Variants in KDM4C observed in about 807,000 individuals in gnomAD.
The protein encoded by KDM4C is lysine-specific demethylase 4C.
Under a neutral mutation model 129.3 loss-of-function variants are expected in KDM4C, and 81 were observed. The observed-to-expected ratio is 0.63, with a 90% confidence interval of 0.52 to 0.75. KDM4C has a LOEUF of 0.75. Among genes scored for constraint, KDM4C ranks in the 30% least tolerant of loss-of-function variants. The pLI is 0.00. For missense variants in KDM4C, 1,457 were observed against 1,304.0 expected (o/e 1.12, Z -1.81); for synonymous variants, 573 against 456.1 (o/e 1.26, Z -3.26).
intron 15 of KDM4C, among the ~76,000 whole-genome samples, chr9:7,033,028 G>A (rs921712894): frequency 2.0e-5 from 3 of 151,832 alleles, no homozygotes; most frequent in Admixed American, 6.6e-5. Flanking sequence ...TTTCTTTTTC[G>A]AAGAGCTCTG....
intron 17 of KDM4C, among the ~76,000 whole-genome samples, chr9:7,070,524 T>C (rs1297278642): frequency 2.6e-5 from 4 of 152,250 alleles, no homozygotes; most frequent in South Asian, 2.1e-4. Flanking sequence ...AAAAACTTAA[T>C]TGGGTTTATC....
intron 17 of KDM4C, among the ~76,000 whole-genome samples, chr9:7,098,753 G>A (rs936964042): frequency 6.6e-6 from 1 of 151,996 alleles, no homozygotes; most frequent in African/African-American, 2.4e-5. Flanking sequence ...CTCTCAAATG[G>A]CAGTTGTTCC....
intron 8 of KDM4C, among the ~76,000 whole-genome samples, chr9:6,917,178 G>C (rs1820461845): frequency 6.6e-6 from 1 of 152,092 alleles, no homozygotes; most frequent in Middle Eastern, 3.2e-3. Flanking sequence ...AATGGCTGTT[G>C]GGCAGCCCCT....
intron 1 of KDM4C, among the ~76,000 whole-genome samples, chr9:6,762,754 G>A (rs920499277): frequency 6.6e-6 from 1 of 151,230 alleles, no homozygotes; most frequent in Non-Finnish European, 1.5e-5. Flanking sequence ...CACCTCCTGG[G>A]TTCAAGCGAT....
At chr9:6,838,839 A>G (rs752775607) in intron 4 of KDM4C, among the ~76,000 whole-genome samples, 1 of 152,246 alleles carries the variant, frequency 6.6e-6, no homozygotes, top group Non-Finnish European at 1.5e-5. Flanking sequence ...ATACGGATCT[A>G]TTCTCATTGT....
intron 18 of KDM4C, among the ~76,000 whole-genome samples, chr9:7,126,195 G>A (rs1337375204): frequency 6.6e-6 from 1 of 152,120 alleles, no homozygotes; most frequent in Non-Finnish European, 1.5e-5. Context: ...AGGAATATGT[G>A]TGGAAGGAGA....
intron 8 of KDM4C, among the ~76,000 whole-genome samples, chr9:6,907,872 T>A (rs1041201956): frequency 2.0e-5 from 3 of 152,218 alleles, no homozygotes; most frequent in African/African-American, 7.2e-5. Context: ...AAAGTCACTA[T>A]TAGACTGTAA....
intron 18 of KDM4C, among the ~76,000 whole-genome samples, chr9:7,111,943 T>A (rs536114588): frequency 6.6e-6 from 1 of 152,224 alleles, no homozygotes; most frequent in South Asian, 2.1e-4. Context: ...AGATGGGTCA[T>A]GGTGAGGAGA....
intron 15 of KDM4C, among the ~76,000 whole-genome samples, chr9:7,046,483 A>C (rs1299033012): frequency 6.6e-6 from 1 of 152,010 alleles, no homozygotes; most frequent in Non-Finnish European, 1.5e-5. Context: ...CCAGAGCACA[A>C]GGCTACACCG....
At chr9:6,744,473 T>C (rs995352883) in intron 1 of KDM4C, among the ~76,000 whole-genome samples, 9 of 152,008 alleles carry the variant, frequency 5.9e-5, no homozygotes, top group Non-Finnish European at 1.2e-4. Context: ...TGCAGTGAGC[T>C]GAGATCGCAC....
At chr9:6,882,712 C>T (rs1203782973) in intron 6 of KDM4C, among the ~76,000 whole-genome samples, 1 of 151,418 alleles carries the variant, frequency 6.6e-6, no homozygotes, top group Non-Finnish European at 1.5e-5. Flanking sequence ...CAGTATTTAG[C>T]AAAAGGGAAT....
chr9:7,087,913 A>G (rs527795246), intron 17 of KDM4C, among the ~76,000 whole-genome samples: 2 of 152,228 alleles, frequency 1.3e-5, no homozygotes, highest in South Asian at 2.1e-4. Context: ...TCAAAATTCT[A>G]TCTACATCCA....
chr9:6,726,177 G>C (rs777339838), intron 1 of KDM4C, among the ~76,000 whole-genome samples: 1 of 152,124 alleles, frequency 6.6e-6, no homozygotes, highest in African/African-American at 2.4e-5. Flanking sequence ...GCCTGCCTCA[G>C]CCTCCCAAAG....
intron 17 of KDM4C, among the ~76,000 whole-genome samples, chr9:7,091,140 C>G (rs1486485165): frequency 6.6e-6 from 1 of 151,970 alleles, no homozygotes; most frequent in Non-Finnish European, 1.5e-5. Flanking sequence ...TCAAATGAAC[C>G]TGACCAGGTG....
upstream of KDM4C, among the ~76,000 whole-genome samples, chr9:6,755,577 A>G (rs1163405786): frequency 1.3e-5 from 2 of 152,200 alleles, no homozygotes; most frequent in Non-Finnish European, 2.9e-5. Flanking sequence ...AAAATAAAAT[A>G]AAAACAAGTA....
upstream of KDM4C, among the ~76,000 whole-genome samples, chr9:6,755,118 TC>T (rs1818197630): frequency 6.6e-6 from 1 of 152,114 alleles, no homozygotes; most frequent in Non-Finnish European, 1.5e-5. Flanking sequence ...ACGCTTGTAA[TC>T]CCAGCACTTT....
chr9:6,812,325 C>T (rs112239939), intron 3 of KDM4C, among the ~76,000 whole-genome samples: 1 of 152,038 alleles, frequency 6.6e-6, no homozygotes, highest in Non-Finnish European at 1.5e-5. Context: ...CAGTTTCCAA[C>T]AATCTTGGAG....
intron 5 of KDM4C, among the ~76,000 whole-genome samples, chr9:6,865,008 C>CTTTTTTTTTTTTT (rs777981928): frequency 7.9e-6 from 1 of 126,586 alleles, no homozygotes; most frequent in Non-Finnish European, 1.6e-5. Context: ...AAATTTCTTT[C>CTTTTTTTTTTTTT]TTTTTTTTTT....
At chr9:7,083,195 G>A (rs1834732519) in intron 17 of KDM4C, among the ~76,000 whole-genome samples, 1 of 152,138 alleles carries the variant, frequency 6.6e-6, no homozygotes, top group African/African-American at 2.4e-5. Context: ...GTTACCAGAA[G>A]TGTTTCAGAT....
Sources: gnomAD v4.1 joint callset for allele counts (sites outside exome capture counted in the v4.1 genomes callset) on GRCh38, gnomAD v4.1.1 for gene constraint, MANE v1.5 for transcripts, NCBI Gene and HGNC (gene_info 2026-07-23, HGNC 2026-07-21) for gene names.